Variants in CAMK4 observed in about 807,000 individuals in gnomAD.
CAMK4 encodes calcium/calmodulin-dependent protein kinase type IV.
CAMK4 carries 22 observed loss-of-function variants against 44.9 expected under a neutral mutation model. That is an observed-to-expected ratio of 0.49 (90% CI 0.35 to 0.70). CAMK4 has a LOEUF of 0.70. Ranked by LOEUF, CAMK4 falls within the 30% of genes least tolerant of loss-of-function variation. CAMK4 has a pLI of 0.01. For missense variants in CAMK4, 498 were observed against 586.8 expected, an observed-to-expected ratio of 0.85 and a Z score of 1.56; for synonymous variants, 218 against 215.4, an observed-to-expected ratio of 1.01 and a Z score of -0.11.
At chr5:111,275,641 T>G (rs1044179171) in intron 1 of CAMK4, among the ~76,000 whole-genome samples, 3 of 152,274 alleles carry the variant, frequency 2.0e-5, no homozygotes, top group Middle Eastern at 3.4e-3. Context: ...TTTTCGGTTT[T>G]GGAGGATGAA....
chr5:111,480,758 T>C (rs903825359), intron 9 of CAMK4, among the ~76,000 whole-genome samples: 1 of 152,196 alleles, frequency 6.6e-6, no homozygotes, highest in African/African-American at 2.4e-5. Flanking sequence ...ACATAATATA[T>C]GTTAAGTAAC....
chr5:111,332,251 C>T (rs996921698), intron 1 of CAMK4, among the ~76,000 whole-genome samples: 3 of 39,140 alleles, frequency 7.7e-5, no homozygotes, highest in Admixed American at 6.3e-4. Flanking sequence ...CCACAACAGT[C>T]CCGGAGTGTG....
chr5:111,422,260 G>T (rs997851009), intron 5 of CAMK4, among the ~76,000 whole-genome samples: 43 of 152,278 alleles, frequency 2.8e-4, no homozygotes, highest in African/African-American at 9.6e-4. Context: ...CTACCTAGAG[G>T]TCTAAGAATG....
At position 111,376,897 on chromosome 5, in the gene CAMK4, T is replaced by A; in HGVS notation, c.341T>A (p.Ile114Asn). The A allele has an allele frequency of 1.2e-6, 2 of 1,606,904 alleles. No individual in the cohort carries two copies. The highest frequency in any genetic ancestry group is 1.7e-6 in the Non-Finnish European group (2 of 1,174,986). The change falls in exon 4 of 11, where the codon ATC (isoleucine) becomes AAC (asparagine). Residue 114 changes from isoleucine (I) to asparagine (N), a missense_variant. Physicochemically the swap from Ile to Asn is moderately radical, Grantham distance 149. Around this residue, in one of 3 missense-constraint regions of CAMK4, gnomAD observed 203 missense variants for 298.2 expected, o/e 0.68. Transcript: ENST00000282356. The part of the protein sequence containing the change: ...LKEIFETPTE[I>N]SLVLELVTGG... ...GAGATATTTGAAACCCCTACAGAAA[T>A]CAGTCTGGTCCTAGAACTCGTCACA... is the stretch of plus-strand genomic sequence containing the variant.
intron 4 of CAMK4, among the ~76,000 whole-genome samples, chr5:111,379,528 G>T (rs1751337574): frequency 6.6e-6 from 1 of 152,010 alleles, no homozygotes; most frequent in Non-Finnish European, 1.5e-5. Context: ...TATGAACTTG[G>T]TCTCTCCATT....
chr5:111,456,129 G>A (rs143432287), intron 7 of CAMK4, among the ~76,000 whole-genome samples: 2,334 of 151,918 alleles, frequency 0.015, 58 homozygotes, highest in African/African-American at 0.052. Context: ...CCTAATATTC[G>A]GGGAGTTGGT....
At chr5:111,436,533 C>T (rs557811636) in intron 5 of CAMK4, among the ~76,000 whole-genome samples, 48 of 152,200 alleles carry the variant, frequency 3.2e-4, no homozygotes, top group Non-Finnish European at 5.6e-4. Flanking sequence ...CATTCTGAGA[C>T]TTCTGGGCCA....
chr5:111,361,987 A>C (rs1750611033), intron 2 of CAMK4, among the ~76,000 whole-genome samples: 1 of 152,092 alleles, frequency 6.6e-6, no homozygotes, highest in Non-Finnish European at 1.5e-5. Context: ...CTGCAATTGT[A>C]GTGCCTTCTC....
At chr5:111,392,266 G>A (rs1751828234) in intron 4 of CAMK4, among the ~76,000 whole-genome samples, 1 of 152,144 alleles carries the variant, frequency 6.6e-6, no homozygotes, top group African/African-American at 2.4e-5. Flanking sequence ...TGAAGGGGAA[G>A]CAAGTCACAT....
At chr5:111,450,398 T>G (rs1023220218) in intron 7 of CAMK4, among the ~76,000 whole-genome samples, 1 of 151,708 alleles carries the variant, frequency 6.6e-6, no homozygotes, top group Non-Finnish European at 1.5e-5. Context: ...TTCAGTGAAC[T>G]GTTAATCACC....
intron 1 of CAMK4, among the ~76,000 whole-genome samples, chr5:111,332,340 T>G (rs1011841791): frequency 2.5e-4 from 37 of 150,632 alleles, no homozygotes; most frequent in Middle Eastern, 3.4e-3. Flanking sequence ...TTTGGTTTTT[T>G]GTCCTTGCGA....
At chr5:111,445,802 T>C (rs947049301) in intron 5 of CAMK4, among the ~76,000 whole-genome samples, 2 of 152,240 alleles carry the variant, frequency 1.3e-5, no homozygotes, top group Non-Finnish European at 2.9e-5. Flanking sequence ...GATTCACTAA[T>C]GCCTAGAATG....
intron 5 of CAMK4, among the ~76,000 whole-genome samples, chr5:111,418,802 A>G (rs188724864): frequency 4.7e-4 from 72 of 152,276 alleles, no homozygotes; most frequent in Non-Finnish European, 7.9e-4. Context: ...ATAGTATTCC[A>G]TGGAGTATAT....
chr5:111,463,790 G>A (rs553027455), intron 7 of CAMK4, among the ~76,000 whole-genome samples: 4 of 152,258 alleles, frequency 2.6e-5, no homozygotes, highest in African/African-American at 7.2e-5. Context: ...CTAGAGGAAG[G>A]GGGAGAGCAC....
At chr5:111,343,208 G>A (rs1293528395) in intron 1 of CAMK4, among the ~76,000 whole-genome samples, 1 of 151,660 alleles carries the variant, frequency 6.6e-6, no homozygotes, top group Admixed American at 6.6e-5. Flanking sequence ...CTGGGAATGT[G>A]TTTTATTTTT....
At chr5:111,406,177 CCT>C (rs2112884803) in intron 5 of CAMK4, among the ~76,000 whole-genome samples, 1 of 143,124 alleles carries the variant, frequency 7.0e-6, no homozygotes, top group East Asian at 2.1e-4. Flanking sequence ...ACTCCTGTTT[CCT>C]TCTCCTAATT....
At chr5:111,258,489 A>C (rs1310400806) in intron 1 of CAMK4, among the ~76,000 whole-genome samples, 1 of 152,144 alleles carries the variant, frequency 6.6e-6, no homozygotes, top group Non-Finnish European at 1.5e-5. Flanking sequence ...GGCCCTTCTT[A>C]CCTGGCAGTG....
chr5:111,405,298 T>A (rs960468188), intron 5 of CAMK4, among the ~76,000 whole-genome samples: 34 of 152,066 alleles, frequency 2.2e-4, no homozygotes, highest in African/African-American at 8.0e-4. Context: ...TGAAACCCCA[T>A]CTCTACTAAA....
chr5:111,387,909 G>A (rs1215207441), intron 4 of CAMK4, among the ~76,000 whole-genome samples: 3 of 152,284 alleles, frequency 2.0e-5, no homozygotes, highest in Non-Finnish European at 4.4e-5. Context: ...TTGGTCACTA[G>A]CATCTTCACT....
Sources: gnomAD v4.1 joint callset for allele counts (sites outside exome capture counted in the v4.1 genomes callset) on GRCh38, gnomAD v4.1.1 for gene constraint, gnomAD v4.1.1 regional missense constraint, MANE v1.5 for transcripts, NCBI Gene and HGNC (gene_info 2026-07-23, HGNC 2026-07-21) for gene names.